PCLO: variants seen among roughly 807,000 people sequenced by gnomAD.
PCLO encodes piccolo presynaptic cytomatrix protein.
PCLO carries 82 observed loss-of-function variants against 427.5 expected under a neutral mutation model. That is an observed-to-expected ratio of 0.19 (90% confidence interval 0.16 to 0.23). The LOEUF is 0.23. PCLO is among the 10% of genes least tolerant of loss of function. The pLI is 1.00. For missense variants in PCLO, 6,239 were observed against 6,115.9 expected (o/e 1.02, Z -0.67); for synonymous variants, 2,357 against 2,155.4 (o/e 1.09, Z -2.59).
chr7:82,824,211 T>G (rs1562802390), intron 19 of PCLO, 25 bp downstream of exon 19: 1 of 1,536,104 alleles, frequency 6.5e-7, no homozygotes, highest in Admixed American at 2.0e-5. Flanking sequence ...ACAAAACTTT[T>G]TCTACTTAAA....
intron 2 of PCLO, among the ~76,000 whole-genome samples, chr7:83,146,772 T>C (rs1287959692): frequency 1.3e-5 from 2 of 152,042 alleles, no homozygotes; most frequent in African/African-American, 4.8e-5. Flanking sequence ...AGCTAATTTT[T>C]TGTATTTTTA....
chr7:82,760,644 G>A lies in PCLO; in HGVS notation c.15283C>T (p.Leu5095Phe), dbSNP rs759531453. 3 of 1,588,814 alleles carry A rather than the reference G, an allele frequency of 1.9e-6. No homozygotes were observed. Among genetic ancestry groups the A allele is most frequent in the Non-Finnish European group, 2.6e-6 (3 of 1,169,422 alleles). Reference protein sequence around the residue: ...RFSLSPAGHSLQILLFSNGGK... With the variant: ...RFSLSPAGHSFQILLFSNGGK... ...ACTACATAATACAGAGCTACCTGAA[G>A]AGAATGTCCTGCAGGACTTAGACTG... The change falls in exon 24 of 25, where the codon CTT becomes TTT. Residue 5095 changes from leucine to phenylalanine, a missense_variant. Physicochemically the swap from Leu to Phe is conservative, Grantham distance 22 (BLOSUM62 0). This residue lies in a region of PCLO where 877 missense variants were observed against 925.5 expected (regional missense o/e 0.95). Transcript: ENST00000333891.
chr7:82,912,000 G>C (rs17156831), intron 7 of PCLO, among the ~76,000 whole-genome samples: 3,107 of 152,078 alleles, frequency 0.02, 115 homozygotes, highest in African/African-American at 0.071. Context: ...TTTTCCTCAA[G>C]AAAGATATTT....
At chr7:82,902,845 T>C (rs993104792) in intron 8 of PCLO, 104 bp from the exon 9 acceptor site, 3 of 637,696 alleles carry the variant, frequency 4.7e-6, no homozygotes, top group Admixed American at 2.6e-5. Flanking sequence ...ATTAAATCAA[T>C]GGAACGTAGT....
At chr7:82,971,665 T>C (rs1478355384) in intron 3 of PCLO, among the ~76,000 whole-genome samples, 1 of 148,184 alleles carries the variant, frequency 6.7e-6, no homozygotes, top group Admixed American at 6.8e-5. Context: ...GTTTGCAACA[T>C]TTCTCCAATT....
rs1343661733 is a variant in PCLO, at chr7:82,916,365, G to C, written c.11621C>G (p.Thr3874Arg). 2 of 1,613,620 alleles carry C rather than the reference G, an allele frequency of 1.2e-6. No individual in the cohort carries two copies. Among genetic ancestry groups the C allele is most frequent in the Non-Finnish European group, 1.7e-6 (2 of 1,179,758 alleles). ...TGTCGGAGGAACTAGTTGAGATTCT[G>C]TTTGGGTTTGTGGTGGTATAAACTG... ...FSQFIPPQTQ[T>R]ESQLVPPTSP... Residue 3874 changes from threonine to arginine, a missense_variant, in exon 7 of 25, where the codon ACA becomes AGA. Physicochemically the swap from Thr to Arg is moderately conservative, Grantham distance 71 (BLOSUM62 -1). Transcript: ENST00000333891.
intron 2 of PCLO, among the ~76,000 whole-genome samples, chr7:83,136,379 T>C (rs1276606818): frequency 6.6e-6 from 1 of 152,158 alleles, no homozygotes; most frequent in Non-Finnish European, 1.5e-5. Flanking sequence ...ACATGTTAGA[T>C]ATCATAAATC....
chr7:82,977,463 G>T (rs1028551171), intron 3 of PCLO, among the ~76,000 whole-genome samples: 5 of 150,196 alleles, frequency 3.3e-5, no homozygotes, highest in Non-Finnish European at 7.4e-5. Flanking sequence ...GCCCAGGCTG[G>T]GGTGCAATGG....
intron 2 of PCLO, 88 bp downstream of exon 2, chr7:83,154,660 C>T (rs2116684077): frequency 2.1e-6 from 2 of 948,026 alleles, no homozygotes; most frequent in Non-Finnish European, 3.2e-6. Flanking sequence ...ACAATGCCAT[C>T]ATGTCATATA....
chr7:83,033,800 G>A lies in PCLO; in HGVS notation c.3301-67313C>T, dbSNP rs150849377. Among the ~76,000 whole-genome samples the A allele has an allele frequency of 2.4e-4, 36 of 151,710 alleles. No homozygotes were observed. The East Asian group carries it at 6.6e-3, about 28-fold the overall frequency. ...GTATTTTTCAATATTTTTAAATTTG[G>A]TAGACATGTTTCTCACCACCATATT... On this transcript the variant is annotated intron_variant, in intron 3 of 24. Coordinates refer to ENST00000333891, the MANE Select transcript of PCLO (RefSeq NM_033026.6).
chr7:83,004,365 A>T (rs1033593110), intron 3 of PCLO, among the ~76,000 whole-genome samples: 1 of 151,790 alleles, frequency 6.6e-6, no homozygotes, highest in African/African-American at 2.4e-5. Flanking sequence ...ATTTACAGTC[A>T]ACTAATCTTC....
At chr7:83,068,437 A>G (rs1315202878) in intron 3 of PCLO, among the ~76,000 whole-genome samples, 1 of 152,166 alleles carries the variant, frequency 6.6e-6, no homozygotes, top group Admixed American at 6.6e-5. Flanking sequence ...AAAACCCCCC[A>G]GATAATCCAA....
intron 3 of PCLO, among the ~76,000 whole-genome samples, chr7:83,048,026 A>T (rs1385557873): frequency 1.3e-5 from 2 of 152,078 alleles, no homozygotes; most frequent in African/African-American, 4.8e-5. Flanking sequence ...AGTTTCAATG[A>T]ACTTTTTTTC....
At chr7:82,806,328 A>G (rs1791456554) in intron 20 of PCLO, among the ~76,000 whole-genome samples, 1 of 152,164 alleles carries the variant, frequency 6.6e-6, no homozygotes, top group Non-Finnish European at 1.5e-5. Context: ...GAAGTGATTG[A>G]AAATTCTGTT....
chr7:83,054,477 A>G (rs1562940948), intron 3 of PCLO, among the ~76,000 whole-genome samples: 1 of 152,062 alleles, frequency 6.6e-6, no homozygotes, highest in Admixed American at 6.5e-5. Flanking sequence ...TTGCGTAATT[A>G]ATAGAGGGCA....
At chr7:83,150,141 C>G (rs1405461504) in intron 2 of PCLO, among the ~76,000 whole-genome samples, 3 of 152,114 alleles carry the variant, frequency 2.0e-5, no homozygotes, top group African/African-American at 7.2e-5. Context: ...TAGGGACAGG[C>G]CTTTAGATCT....
chr7:83,024,343 T>A (rs957742346), intron 3 of PCLO, among the ~76,000 whole-genome samples: 1 of 152,168 alleles, frequency 6.6e-6, no homozygotes, highest in Non-Finnish European at 1.5e-5. Context: ...AAAGGGGTGA[T>A]GGACGGCACC....
intron 3 of PCLO, among the ~76,000 whole-genome samples, chr7:83,101,660 C>T (rs1790742796): frequency 6.6e-6 from 1 of 152,258 alleles, no homozygotes; most frequent in Non-Finnish European, 1.5e-5. Flanking sequence ...ATGTGTTTTA[C>T]TTTTGGCACA....
At chr7:82,969,908 T>C (rs1053798046) in intron 3 of PCLO, among the ~76,000 whole-genome samples, 3 of 152,138 alleles carry the variant, frequency 2.0e-5, no homozygotes, top group African/African-American at 7.2e-5. Context: ...TGTTAATAAA[T>C]TGTGAATGTG....
Sources: allele counts gnomAD v4.1 joint callset (sites outside exome capture counted in the v4.1 genomes callset), GRCh38; gene constraint gnomAD v4.1.1; regional missense constraint gnomAD v4.1.1; transcripts MANE v1.5; gene names NCBI Gene and HGNC (gene_info 2026-07-23, HGNC 2026-07-21).